IGSF3: variants seen among roughly 807,000 people sequenced by gnomAD.
IGSF3 encodes the protein immunoglobulin superfamily member 3.
A neutral mutation model predicts 114.4 loss-of-function variants in IGSF3; 23 were observed. That is an observed-to-expected ratio of 0.20 (90% confidence interval 0.14 to 0.28). The LOEUF is 0.28. Ranked by LOEUF, IGSF3 falls within the 10% of genes least tolerant of loss-of-function variation. IGSF3 has a pLI of 1.00. For synonymous variants in IGSF3, 571 were observed against 645.2 expected, an observed-to-expected ratio of 0.88 and a Z score of 1.74; for missense variants, 1,172 against 1,591.5, an observed-to-expected ratio of 0.74 and a Z score of 4.48.
Position 116,665,144 on chromosome 1 carries a change from T to G in IGSF3, c.43+1140A>C, listed in dbSNP as rs1039543612. ...TTTATTGACATTCAGATGTCAATCA[T>G]GGTGAAGCTGGGATAGGAACTCAGG... On this transcript the variant is annotated intron_variant, in intron 2 of 10. Transcript: ENST00000369486. This position sits in a 1 kb window ranked among gnomAD's most constrained non-coding sequence, Gnocchi z 4.0. Among the ~76,000 whole-genome samples the G allele has an allele frequency of 6.6e-6, 1 of 152,206 alleles. No homozygotes were observed. Among genetic ancestry groups the G allele is most frequent in the African/African-American group, 2.4e-5 (1 of 41,444 alleles).
chr1:116,636,807 G>A lies in IGSF3; in HGVS notation c.44-20350C>T, dbSNP rs1363859020. 1.3e-5 allele frequency among the ~76,000 whole-genome samples: 2 copies of A among 152,042 alleles called. No individual in the cohort carries two copies. Among genetic ancestry groups the A allele is most frequent in the African/African-American group, 4.8e-5 (2 of 41,390 alleles). ...AGACAGCATCTCCGCGAGAAGTGTT[G>A]GGCAGTGTCCAGGAGTGTTTTTCTT... On this transcript the variant is annotated intron_variant, in intron 2 of 10. Transcript: ENST00000369486. The surrounding 1 kb of genome is among the most constrained non-coding windows in gnomAD (Gnocchi z 4.5).
chr1:116,593,718 A>G lies in IGSF3; in HGVS notation c.2030-4614T>C, dbSNP rs1003901160. Among the ~76,000 whole-genome samples, 2 of 152,212 alleles carry G rather than the reference A, an allele frequency of 1.3e-5. No homozygotes were observed. Among genetic ancestry groups the G allele is most frequent in the Non-Finnish European group, 2.9e-5 (2 of 68,044 alleles). ...ACTCCCTCCCTCTCAGCCTAGCCAC[A>G]GCCAGGGGATTTCCCTAAATGGCAA... On this transcript the variant is annotated intron_variant, in intron 7 of 10. Transcript: ENST00000369486. The surrounding 1 kb of genome is among the most constrained non-coding windows in gnomAD (Gnocchi z 4.5).
rs1242771364 is a variant in IGSF3, at chr1:116,660,960, C to T, written c.43+5324G>A. On this transcript the variant is annotated intron_variant, in intron 2 of 10. Transcript: ENST00000369486. ...CTTATCTTGATCAAGGAAGCCAACACAGAAACAACACCTACCTTGTGAAAC... is the reference window on the plus strand; with the variant it reads ...CTTATCTTGATCAAGGAAGCCAACATAGAAACAACACCTACCTTGTGAAAC... Among the ~76,000 whole-genome samples, 3 of 152,182 alleles carry T rather than the reference C, an allele frequency of 2.0e-5. No homozygotes were observed. In the East Asian group the frequency reaches 5.8e-4, roughly 29 times the overall value.
At chr1:116,611,277 A>G (rs926594669) in intron 4 of IGSF3, among the ~76,000 whole-genome samples, 7 of 152,172 alleles carry the variant, frequency 4.6e-5, no homozygotes, top group Non-Finnish European at 1.0e-4. Context: ...TAAGAAGAGG[A>G]CAAAGGAAGG....
intron 8 of IGSF3, among the ~76,000 whole-genome samples, chr1:116,586,621 C>T (rs1659855332): frequency 6.6e-6 from 1 of 152,092 alleles, no homozygotes; most frequent in Non-Finnish European, 1.5e-5. Context: ...CTAGTCCTTC[C>T]GCACTGTCCC....
At chr1:116,617,437 G>C in intron 2 of IGSF3, 11 of 878,612 alleles carry the variant, frequency 1.3e-5, no homozygotes, top group Non-Finnish European at 1.5e-5. Context: ...GAAAAGCGCA[G>C]GTGAGTTACA....
Position 116,638,631 on chromosome 1 carries a change from C to T in IGSF3, c.44-22174G>A, listed in dbSNP as rs1243410503. Among the ~76,000 whole-genome samples, 1 of 152,152 alleles carries T rather than the reference C, an allele frequency of 6.6e-6. No individual in the cohort carries two copies. The highest frequency in any genetic ancestry group is 1.5e-5 in the Non-Finnish European group (1 of 68,044). On this transcript the variant is annotated intron_variant, in intron 2 of 10. Transcript: ENST00000369486. The surrounding 1 kb of genome is among the most constrained non-coding windows in gnomAD (Gnocchi z 4.1). ...GAGTCATTCACACCTAAAGGCTATG[C>T]TTACATCGTTTTCCATCTCTTGTGT... is the stretch of plus-strand genomic sequence containing the variant.
intron 7 of IGSF3, among the ~76,000 whole-genome samples, chr1:116,590,222 A>C (rs1660046202): frequency 6.6e-6 from 1 of 152,154 alleles, no homozygotes; most frequent in Admixed American, 6.5e-5. Flanking sequence ...CCCAGCAGCT[A>C]ATTAATGACG....
rs370232026 is a variant in IGSF3, at chr1:116,579,344, C to T, written c.3334+48G>A. On this transcript the variant is annotated intron_variant, in intron 10 of 10. Coordinates refer to ENST00000369486, the MANE Select transcript of IGSF3 (RefSeq NM_001007237.3). This position sits in a 1 kb window ranked among gnomAD's most constrained non-coding sequence, Gnocchi z 6.4. Reference sequence around the variant, plus strand: ...CAAGCTCAAATTTATCTTCCAGACACAGTTGGAACCAACAGTGACATCCTC... The same window carrying T: ...CAAGCTCAAATTTATCTTCCAGACATAGTTGGAACCAACAGTGACATCCTC... The T allele has an allele frequency of 6.6e-7, 1 of 1,515,844 alleles. No individual in the cohort carries two copies. Among genetic ancestry groups the T allele is most frequent in the Non-Finnish European group, 8.8e-7 (1 of 1,132,422 alleles). The allele number at this position is 1,515,844 out of a possible 1,614,324, so 93.9% of individuals were successfully genotyped here.
intron 2 of IGSF3, among the ~76,000 whole-genome samples, chr1:116,619,588 T>G (rs148002159): frequency 0.031 from 4,720 of 152,206 alleles, 108 homozygotes; most frequent in Non-Finnish European, 0.049. Context: ...TTCTTGGCAG[T>G]TTAATTCCCC....
At position 116,661,808 on chromosome 1, in the gene IGSF3, C is replaced by G. The variant is rs1009855244; in HGVS notation, c.43+4476G>C. Among the ~76,000 whole-genome samples, 17 of 152,190 alleles carry G rather than the reference C, an allele frequency of 1.1e-4. No homozygotes were observed. Among genetic ancestry groups the G allele is most frequent in the African/African-American group, 3.9e-4 (16 of 41,444 alleles). On this transcript the variant is annotated intron_variant, in intron 2 of 10. Transcript: ENST00000369486. The surrounding 1 kb of genome is among the most constrained non-coding windows in gnomAD (Gnocchi z 4.0). ...GGACCCTCAGGATAAGCATATTTTC[C>G]AGCCTTCTTTGCAGCTAAATATGGT...
intron 5 of IGSF3, among the ~76,000 whole-genome samples, chr1:116,604,667 A>G (rs2101453819): frequency 6.6e-6 from 1 of 152,354 alleles, no homozygotes; most frequent in South Asian, 2.1e-4. Context: ...AAACAAAGCC[A>G]GCAGCTCGTC....
chr1:116,598,133 A>T lies in IGSF3; in HGVS notation c.2029+1808T>A, dbSNP rs186543473. Among the ~76,000 whole-genome samples, 28 of 152,306 alleles carry T rather than the reference A, an allele frequency of 1.8e-4. No individual in the cohort carries two copies. Among genetic ancestry groups the T allele is most frequent in the Non-Finnish European group, 3.7e-4 (25 of 68,012 alleles). ...GTAGTACCAGAAACAGGCAAATACT[A>T]GGGATGTATTCAAAAAGGCAATGTC... On this transcript the variant is annotated intron_variant, in intron 7 of 10. Transcript: ENST00000369486. This position sits in a 1 kb window ranked among gnomAD's most constrained non-coding sequence, Gnocchi z 4.3.
In IGSF3 at chr1:116,655,882, A is replaced by G. The variant is rs1648824712; in HGVS notation, c.43+10402T>C. Among the ~76,000 whole-genome samples the G allele has an allele frequency of 6.6e-6, 1 of 152,180 alleles. No individual in the cohort carries two copies. Among genetic ancestry groups the G allele is most frequent in the Non-Finnish European group, 1.5e-5 (1 of 68,044 alleles). ...TTTTTGAAGAAAATATGCAGAATAA[A>G]CAAGTCAATTATTCTCACTAAATAC... On this transcript the variant is annotated intron_variant, in intron 2 of 10. Coordinates refer to ENST00000369486, the MANE Select transcript of IGSF3 (RefSeq NM_001007237.3). The surrounding 1 kb of genome is among the most constrained non-coding windows in gnomAD (Gnocchi z 4.3).
In IGSF3 at chr1:116,644,344, A is replaced by C. The variant is rs1183516269; in HGVS notation, c.43+21940T>G. Reference sequence around the variant, plus strand: ...TTGTTAAGGAGAGCCCTGAGCAGCAAGCTCCAGACGGGAGATGCGCCATAT... The same window carrying C: ...TTGTTAAGGAGAGCCCTGAGCAGCACGCTCCAGACGGGAGATGCGCCATAT... On this transcript the variant is annotated intron_variant, in intron 2 of 10. Coordinates refer to ENST00000369486, the MANE Select transcript of IGSF3 (RefSeq NM_001007237.3). The surrounding 1 kb of genome is among the most constrained non-coding windows in gnomAD (Gnocchi z 5.6). Among the ~76,000 whole-genome samples, 1 of 152,230 alleles carries C rather than the reference A, an allele frequency of 6.6e-6. No individual in the cohort carries two copies. Among genetic ancestry groups the C allele is most frequent in the Non-Finnish European group, 1.5e-5 (1 of 68,040 alleles).
rs1660742178 is a variant in IGSF3, at chr1:116,605,151, A to C, written c.1223-1126T>G. 3.3e-5 allele frequency among the ~76,000 whole-genome samples: 5 copies of C among 152,156 alleles called. No individual in the cohort carries two copies. The South Asian group carries it at 1.0e-3, about 31-fold the overall frequency. On this transcript the variant is annotated intron_variant, in intron 5 of 10. Coordinates refer to ENST00000369486, the MANE Select transcript of IGSF3 (RefSeq NM_001007237.3). This position sits in a 1 kb window ranked among gnomAD's most constrained non-coding sequence, Gnocchi z 5.1. ...AACACAAAGTAACTAATTTGGCTCCAATTTTTGGGTACCACCCACATTAAA... is the reference window on the plus strand; with the variant it reads ...AACACAAAGTAACTAATTTGGCTCCCATTTTTGGGTACCACCCACATTAAA...
chr1:116,658,024 G>T (rs1237508654), intron 2 of IGSF3, among the ~76,000 whole-genome samples: 5 of 143,954 alleles, frequency 3.5e-5, no homozygotes, highest in African/African-American at 1.0e-4. Context: ...TCTGATTATG[G>T]TTTTTTTTTT....
rs989462470 is a variant in IGSF3, at chr1:116,666,818, T to G, written c.-492A>C. ...ATCACCCTGCCTGGCATCAACCGTTTGGGTTTCTTCACCAAAAAGTCCGTT... is the reference window on the plus strand; with the variant it reads ...ATCACCCTGCCTGGCATCAACCGTTGGGGTTTCTTCACCAAAAAGTCCGTT... On this transcript the variant is annotated 5_prime_UTR_variant, in exon 2 of 11. Transcript: ENST00000369486. 3.9e-5 allele frequency: 16 copies of G among 405,592 alleles called. No homozygotes were observed. Among genetic ancestry groups the G allele is most frequent in the Non-Finnish European group, 3.9e-5 (9 of 231,950 alleles). The allele number at this position is 405,592 out of a possible 1,614,324, so 25.1% of individuals were successfully genotyped here. A position where few individuals can be genotyped will look rare whatever the true frequency, so the allele number is the denominator to read the frequency against.
At position 116,636,570 on chromosome 1, in the gene IGSF3, T is replaced by C. The variant is rs1286645425; in HGVS notation, c.44-20113A>G. ...AATATTAGTTGAGTGGAGGAAAGAA[T>C]GAACAGTCATCTGGCCCAGACTTGG... On this transcript the variant is annotated intron_variant, in intron 2 of 10. Coordinates refer to ENST00000369486, the MANE Select transcript of IGSF3 (RefSeq NM_001007237.3). This position sits in a 1 kb window ranked among gnomAD's most constrained non-coding sequence, Gnocchi z 4.5. Among the ~76,000 whole-genome samples, 2 of 152,162 alleles carry C rather than the reference T, an allele frequency of 1.3e-5. No homozygotes were observed. The highest frequency in any genetic ancestry group is 2.9e-5 in the Non-Finnish European group (2 of 68,018).
Sources: allele counts gnomAD v4.1 joint callset (sites outside exome capture counted in the v4.1 genomes callset), GRCh38; gene constraint gnomAD v4.1.1; non-coding constraint Gnocchi (gnomAD v3.1); transcripts MANE v1.5; gene names NCBI Gene and HGNC (gene_info 2026-07-23, HGNC 2026-07-21).